Variants in CPXCR1 observed in about 807,000 individuals in gnomAD.
CPXCR1 encodes the protein CPX chromosomal region candidate gene 1 protein.
Under a neutral mutation model 13.8 loss-of-function variants are expected in CPXCR1, and 15 were observed. The ratio of observed to expected loss-of-function variants is 1.09; its 90% confidence interval spans 0.73 to 1.67. The LOEUF (loss-of-function observed/expected upper bound fraction) is 1.67. Ranked by LOEUF, CPXCR1 falls within the 40% of genes most tolerant of loss-of-function variation. The pLI, the probability that CPXCR1 is intolerant of heterozygous loss-of-function variation, is 0.00. For synonymous variants in CPXCR1, 70 were observed against 76.7 expected (o/e 0.91, Z 0.46); for missense variants, 247 against 223.6 (o/e 1.10, Z -0.67).
intron 2 of CPXCR1, among the ~76,000 whole-genome samples, chrX:88,753,108 A>G (rs1924969023): frequency 9.0e-6 from 1 of 111,598 alleles, no homozygotes; most frequent in African/African-American, 3.3e-5. Flanking sequence ...CTTCAGAACT[A>G]AATGTGTTCT....
Position 88,752,063 on chromosome X carries a change from C to T in CPXCR1, c.-8-1344C>T, listed in dbSNP as rs1444803451. Among the ~76,000 whole-genome samples, 3 of 112,193 alleles carry T rather than the reference C, an allele frequency of 2.7e-5. No homozygotes were observed. In the South Asian group the frequency reaches 1.1e-3, roughly 41 times the overall value. On this transcript the variant is annotated intron_variant, in intron 2 of 2. Transcript: ENST00000276127. ...TTCTTTTCAGCCCACTTGCATTCGCCTTTCTCCACCATGGAATTCAGTAAG... is the reference window on the plus strand; with the variant it reads ...TTCTTTTCAGCCCACTTGCATTCGCTTTTCTCCACCATGGAATTCAGTAAG...
intron 2 of CPXCR1, among the ~76,000 whole-genome samples, chrX:88,751,611 C>T (rs773781969): frequency 3.6e-5 from 4 of 111,423 alleles, no homozygotes; most frequent in African/African-American, 6.5e-5. Context: ...CCTGAATATC[C>T]TTGTTAATTT....
rs113849249 is a variant in CPXCR1 at position 88,750,841 on chromosome X, A to C, written c.-9+1418A>C. ...CCAGGAATGTATCCATTTCTTCTAG[A>C]TCTTCTAGTTTAATTGTGTAGAGGT... is the stretch of plus-strand genomic sequence containing the variant. On this transcript the variant is annotated intron_variant, in intron 2 of 2. Transcript: ENST00000276127. 9.9e-3 allele frequency among the ~76,000 whole-genome samples: 1,099 copies of C among 111,541 alleles called. 15 individuals carry two copies. Among genetic ancestry groups the C allele is most frequent in the African/African-American group, 0.034 (1,046 of 30,649 alleles).
Position 88,754,370 on chromosome X carries a change from T to G in CPXCR1, c.*50T>G, listed in dbSNP as rs1454916248. 8.0e-6 allele frequency: 7 copies of G among 870,627 alleles called. No individual in the cohort carries two copies. The highest frequency in any genetic ancestry group is 9.5e-6 in the Non-Finnish European group (6 of 630,891). The allele number at this position is 870,627 out of a possible 1,213,427, so 71.7% of individuals were successfully genotyped here. A position where few individuals can be genotyped will look rare whatever the true frequency, so the allele number is the denominator to read the frequency against. On this transcript the variant is annotated 3_prime_UTR_variant, in exon 3 of 3. Transcript: ENST00000276127. ...AAAATATAACTTCTAAAATTCATAA[T>G]TTGACTACTAAAGTAAGACAAAATT... is the stretch of plus-strand genomic sequence containing the variant.
At chrX:88,751,025 T>C (rs1018402353) in intron 2 of CPXCR1, among the ~76,000 whole-genome samples, 9 of 89,836 alleles carry the variant, frequency 1.0e-4, no homozygotes, top group African/African-American at 3.4e-4. Context: ...AAAAAACAGC[T>C]CCTAAATTCA....
chrX:88,750,228 C>A (rs1178935937), intron 2 of CPXCR1, among the ~76,000 whole-genome samples: 1 of 111,236 alleles, frequency 9.0e-6, no homozygotes, highest in East Asian at 2.8e-4. Flanking sequence ...ATAGCTCTTA[C>A]TATTTTGAGA....
At position 88,754,252 on chromosome X, in the gene CPXCR1, A is replaced by G; in HGVS notation, c.838A>G (p.Ile280Val). 2 of 1,181,595 alleles carry G rather than the reference A, an allele frequency of 1.7e-6. No individual in the cohort carries two copies. Among genetic ancestry groups the G allele is most frequent in the Non-Finnish European group, 2.3e-6 (2 of 876,061 alleles). The change falls in exon 3 of 3, where the codon ATC becomes GTC. Residue 280 changes from isoleucine (I) to valine (V), a missense_variant. By Grantham distance (29) the Ile-to-Val change is conservative. Transcript: ENST00000276127. ...TNNGWKYFCP[I>V]CGRLFNTYSE... ...TAATGGTTGGAAATACTTTTGTCCC[A>G]TCTGTGGAAGGCTTTTTAACACTTA...
At chrX:88,751,859 G>A (rs189902251) in intron 2 of CPXCR1, among the ~76,000 whole-genome samples, 1 of 111,615 alleles carries the variant, frequency 9.0e-6, no homozygotes. Flanking sequence ...GAGTCAGATT[G>A]TGGAGGGTCT....
chrX:88,748,961 G>A (rs971056898), intron 1 of CPXCR1, among the ~76,000 whole-genome samples: 1 of 105,429 alleles, frequency 9.5e-6, no homozygotes, highest in Non-Finnish European at 1.9e-5. Flanking sequence ...TAAGTTTTAG[G>A]GTACATGTGC....
At chrX:88,752,930 C>T (rs997449728) in intron 2 of CPXCR1, among the ~76,000 whole-genome samples, 5 of 111,314 alleles carry the variant, frequency 4.5e-5, no homozygotes, top group Middle Eastern at 4.6e-3. Flanking sequence ...ACAAATTCAA[C>T]CATATCATTT....
chrX:88,751,605 A>C (rs1409174920), intron 2 of CPXCR1, among the ~76,000 whole-genome samples: 1 of 111,621 alleles, frequency 9.0e-6, no homozygotes, highest in East Asian at 2.8e-4. Flanking sequence ...TCAAGTCCTG[A>C]ATATCCTTGT....
At position 88,753,888 on chromosome X, in the gene CPXCR1, T is replaced by C; in HGVS notation, c.474T>C (p.Asp158=). The C allele has an allele frequency of 8.3e-7, 1 of 1,209,159 alleles. No individual in the cohort carries two copies. The highest frequency in any genetic ancestry group is 1.7e-5 in the African/African-American group (1 of 57,792). Residue 158 remains aspartate, a synonymous_variant, in exon 3 of 3, where the codon GAT becomes GAC. Transcript: ENST00000276127. ...GTATGATTCTCCATCTGCTATGTGA[T>C]AGATATTTCTCTCAGGCTGCAGGGT... ...IRSMILHLLC[D]RYFSQAAGCQ... is the part of the protein sequence containing the mutation.
intron 2 of CPXCR1, among the ~76,000 whole-genome samples, chrX:88,752,915 C>T (rs1462927686): frequency 9.0e-6 from 1 of 111,259 alleles, no homozygotes; most frequent in African/African-American, 3.3e-5. Flanking sequence ...CGGCTTGTAC[C>T]TTATACAAAT....
At chrX:88,749,760 A>G (rs1053978778) in intron 2 of CPXCR1, among the ~76,000 whole-genome samples, 7 of 110,035 alleles carry the variant, frequency 6.4e-5, no homozygotes, top group Non-Finnish European at 9.5e-5. Flanking sequence ...AGAAAGTATC[A>G]CATAGTAACA....
Position 88,753,966 on chromosome X carries a change from A to T in CPXCR1, c.552A>T (p.Pro184=), listed in dbSNP as rs1925003169. 1 of 1,207,958 alleles carries T rather than the reference A, an allele frequency of 8.3e-7. No individual in the cohort carries two copies. Among genetic ancestry groups the T allele is most frequent in the Non-Finnish European group, 1.1e-6 (1 of 894,037 alleles). Residue 184 remains proline, a synonymous_variant, in exon 3 of 3, where the codon CCA becomes CCT. Coordinates refer to ENST00000276127, the MANE Select transcript of CPXCR1 (RefSeq NM_033048.6). ...AATATATAGCATGTCTTTACCATCCAAATAGTTTCACCCATCACGAGAGAG... is the reference window on the plus strand; with the variant it reads ...AATATATAGCATGTCTTTACCATCCTAATAGTTTCACCCATCACGAGAGAG... ...KRKYIACLYH[P]NSFTHHERAI...
In CPXCR1 at chrX:88,754,040, C is replaced by A. The variant is rs767387988; in HGVS notation, c.626C>A (p.Thr209Asn). The change falls in exon 3 of 3, where the codon ACT becomes AAT. Residue 209 changes from threonine to asparagine, a missense_variant. By Grantham distance (65) the Thr-to-Asn change is moderately conservative (BLOSUM62 0). Transcript: ENST00000276127. ...PSRVHYYRPLTERMTSGKFCK... is the reference protein window; with the variant it reads ...PSRVHYYRPLNERMTSGKFCK... ...AGGGTGCACTACTACCGTCCCCTCA[C>A]TGAGAGAATGACATCAGGAAAATTT... The A allele has an allele frequency of 3.3e-6, 4 of 1,211,058 alleles. No homozygotes were observed. The highest frequency in any genetic ancestry group is 3.4e-6 in the Non-Finnish European group (3 of 895,198).
chrX:88,751,149 T>C (rs368625665), intron 2 of CPXCR1, among the ~76,000 whole-genome samples: 3 of 111,605 alleles, frequency 2.7e-5, no homozygotes, highest in East Asian at 5.6e-4. Context: ...CTAATTCTTT[T>C]AATCGTGAGG....
Position 88,753,960 on chromosome X carries a change from C to T in CPXCR1, c.546C>T (p.Tyr182=). ...WVKRKYIACL[Y]HPNSFTHHER... ...AGCGAAAATATATAGCATGTCTTTA[C>T]CATCCAAATAGTTTCACCCATCACG... The change falls in exon 3 of 3, where the codon TAC becomes TAT. Residue 182 remains tyrosine, a synonymous_variant. Coordinates refer to ENST00000276127, the MANE Select transcript of CPXCR1 (RefSeq NM_033048.6). The T allele has an allele frequency of 8.3e-7, 1 of 1,209,610 alleles. No individual in the cohort carries two copies. The highest frequency in any genetic ancestry group is 1.1e-6 in the Non-Finnish European group (1 of 894,146).
intron 2 of CPXCR1, among the ~76,000 whole-genome samples, chrX:88,750,757 T>C (rs2147631917): frequency 8.9e-6 from 1 of 111,848 alleles, no homozygotes; most frequent in East Asian, 2.8e-4. Flanking sequence ...AAGAACTTGT[T>C]ATTGGTCTGT....
Sources: gnomAD v4.1 joint callset for allele counts (sites outside exome capture counted in the v4.1 genomes callset) on GRCh38, gnomAD v4.1.1 for gene constraint, MANE v1.5 for transcripts, NCBI Gene and HGNC (gene_info 2026-07-23, HGNC 2026-07-21) for gene names.